Variants in USH2A observed in about 807,000 individuals in gnomAD.
USH2A encodes the protein usherin.
In USH2A, 443 loss-of-function variants were observed where a neutral mutation model predicts 538.9. That is an observed-to-expected ratio of 0.82 (90% CI 0.76 to 0.89). USH2A has a LOEUF of 0.89. USH2A is among the 40% of genes least tolerant of loss of function. The pLI is 0.00. For synonymous variants in USH2A, 2,413 were observed against 2,273.5 expected (o/e 1.06, Z -1.75); for missense variants, 6,633 against 6,324.8 (o/e 1.05, Z -1.65).
At chr1:216,248,401 T>G (rs550767878) in intron 12 of USH2A, among the ~76,000 whole-genome samples, 1 of 152,166 alleles carries the variant, frequency 6.6e-6, no homozygotes, top group Non-Finnish European at 1.5e-5. Context: ...AATAACTCAC[T>G]GCATGGGTTG....
chr1:215,865,706 A>T (rs530765712), intron 44 of USH2A, among the ~76,000 whole-genome samples: 1 of 152,248 alleles, frequency 6.6e-6, no homozygotes, highest in African/African-American at 2.4e-5. Flanking sequence ...AGAGATCCCA[A>T]TACAAGTGTC....
At chr1:216,117,061 T>C (rs1258046001) in intron 21 of USH2A, among the ~76,000 whole-genome samples, 1 of 152,156 alleles carries the variant, frequency 6.6e-6, no homozygotes, top group African/African-American at 2.4e-5. Context: ...CTATTTTATT[T>C]TGCTTGTCAG....
intron 65 of USH2A, 38 bp downstream of exon 65, chr1:215,650,547 TTTTTAAA>T: frequency 6.2e-7 from 1 of 1,609,716 alleles, no homozygotes; most frequent in Admixed American, 1.7e-5. Flanking sequence ...ATAGTAATGA[TTTTTAAA>T]AGTCAACCAG....
chr1:215,872,831 T>A (rs1307274206), intron 43 of USH2A, among the ~76,000 whole-genome samples: 1 of 151,870 alleles, frequency 6.6e-6, no homozygotes. Context: ...GAGCTGGTTG[T>A]TTAAGAGCAT....
intron 32 of USH2A, among the ~76,000 whole-genome samples, chr1:216,009,500 C>T (rs368946720): frequency 1.3e-5 from 2 of 152,132 alleles, no homozygotes; most frequent in Non-Finnish European, 2.9e-5. Flanking sequence ...AGGTGCCTGA[C>T]GTCTAGGCAT....
intron 10 of USH2A, among the ~76,000 whole-genome samples, chr1:216,290,173 A>C (rs116799950): frequency 1.3e-5 from 2 of 152,152 alleles, no homozygotes; most frequent in Admixed American, 6.5e-5. Flanking sequence ...ACTCAAGACT[A>C]TCAATTCCCC....
intron 50 of USH2A, among the ~76,000 whole-genome samples, chr1:215,796,094 T>C (rs1363121361): frequency 6.6e-6 from 1 of 152,210 alleles, no homozygotes; most frequent in Non-Finnish European, 1.5e-5. Context: ...GTCAATTTAA[T>C]TTTCTTTCTG....
At chr1:216,138,460 G>A (rs927893066) in intron 21 of USH2A, among the ~76,000 whole-genome samples, 4 of 152,112 alleles carry the variant, frequency 2.6e-5, no homozygotes, top group African/African-American at 9.7e-5. Flanking sequence ...CTTTTTCATG[G>A]GTGATAAGCT....
At chr1:216,061,129 G>A (rs1333995639) in intron 30 of USH2A, among the ~76,000 whole-genome samples, 4 of 152,168 alleles carry the variant, frequency 2.6e-5, no homozygotes, top group African/African-American at 7.2e-5. Flanking sequence ...GCTCCTGAGC[G>A]GGCCTGTTAA....
chr1:216,106,193 TTAAG>T (rs1375212109), intron 21 of USH2A, among the ~76,000 whole-genome samples: 2 of 147,538 alleles, frequency 1.4e-5, no homozygotes, highest in Non-Finnish European at 3.0e-5. Context: ...TATAAGTATA[TTAAG>T]TATGTATAAG....
chr1:215,933,204 G>A (rs193207259), intron 38 of USH2A, among the ~76,000 whole-genome samples: 1 of 151,956 alleles, frequency 6.6e-6, no homozygotes, highest in Non-Finnish European at 1.5e-5. Context: ...CTAAATTTGA[G>A]TAAAGGATAT....
intron 11 of USH2A, among the ~76,000 whole-genome samples, chr1:216,266,326 C>G (rs2036472210): frequency 1.3e-5 from 2 of 151,928 alleles, no homozygotes; most frequent in Admixed American, 1.3e-4. Flanking sequence ...TTCCAGAGAC[C>G]AATAAAATAA....
chr1:216,416,539 A>C (rs1453465575), intron 3 of USH2A, among the ~76,000 whole-genome samples: 1 of 152,190 alleles, frequency 6.6e-6, no homozygotes, highest in Non-Finnish European at 1.5e-5. Flanking sequence ...AGTCTCATTA[A>C]ATCATAAGTA....
intron 12 of USH2A, 143 bp downstream of exon 12, chr1:216,250,759 CA>C: frequency 1.2e-6 from 1 of 828,078 alleles, no homozygotes; most frequent in Non-Finnish European, 2.0e-6. Context: ...TCATTTTAAA[CA>C]GTTAATTTCA....
Position 216,364,955 on chromosome 1 carries a change from T to C in USH2A, c.782A>G (p.Asn261Ser), listed in dbSNP as rs1207861878. 3 of 1,613,326 alleles carry C rather than the reference T, an allele frequency of 1.9e-6. No individual in the cohort carries two copies. Among genetic ancestry groups the C allele is most frequent in the Non-Finnish European group, 1.7e-6 (2 of 1,179,584 alleles). ...SGTVQIGQSL[N>S]GLEQFVGRMQ... ...ACATTCTGAAGTCAGAAACTTACCA[T>C]TTAAACTCTGTCCTATTTGCACAGT... The change falls in exon 4 of 72, where the codon AAT becomes AGT. Residue 261 changes from asparagine to serine, a missense_variant and splice_region_variant. Asn to Ser is a conservative substitution (Grantham distance 46, BLOSUM62 1). Coordinates refer to ENST00000307340, the MANE Select transcript of USH2A (RefSeq NM_206933.4).
intron 34 of USH2A, 82 bp downstream of exon 34, chr1:215,998,798 TAAGTGAG>T: frequency 7.1e-7 from 1 of 1,411,832 alleles, no homozygotes; most frequent in Admixed American, 1.9e-5. Context: ...TTTTTTTTTT[TAAGTGAG>T]AGAGAAAGAA....
Position 216,084,863 on chromosome 1 carries a change from C to T in USH2A, c.5002G>A (p.Gly1668Ser), listed in dbSNP as rs1487579070. 8.7e-6 allele frequency: 14 copies of T among 1,612,978 alleles called. No individual in the cohort carries two copies. Among genetic ancestry groups the T allele is most frequent in the Non-Finnish European group, 1.2e-5 (14 of 1,179,390 alleles). Residue 1668 changes from glycine to serine, a missense_variant, in exon 25 of 72, where the codon GGT (glycine) becomes AGT (serine). Coordinates refer to ENST00000307340, the MANE Select transcript of USH2A (RefSeq NM_206933.4). ...LRKDPEIIQK[G>S]FVGCLKDVHF... Reference sequence around the variant, plus strand: ...ACATCCTTGAGACAGCCCACAAAACCTTTTTGGATTATCTCTGCAGGAGTT... The same window carrying T: ...ACATCCTTGAGACAGCCCACAAAACTTTTTTGGATTATCTCTGCAGGAGTT...
At chr1:215,734,662 T>C (rs1660103580) in intron 60 of USH2A, among the ~76,000 whole-genome samples, 1 of 152,352 alleles carries the variant, frequency 6.6e-6, no homozygotes, top group Admixed American at 6.5e-5. Context: ...TGAATGCTGC[T>C]TTGTTGCTTT....
At chr1:216,124,596 C>T (rs986829817) in intron 21 of USH2A, among the ~76,000 whole-genome samples, 3 of 152,118 alleles carry the variant, frequency 2.0e-5, no homozygotes, top group Non-Finnish European at 4.4e-5. Flanking sequence ...CAAGTCATGG[C>T]AGAAATATAA....
Sources: allele counts gnomAD v4.1 joint callset (sites outside exome capture counted in the v4.1 genomes callset), GRCh38; gene constraint gnomAD v4.1.1; transcripts MANE v1.5; gene names NCBI Gene and HGNC (gene_info 2026-07-23, HGNC 2026-07-21).